SLC6A6: variants seen among roughly 807,000 people sequenced by gnomAD.
SLC6A6 encodes sodium- and chloride-dependent taurine transporter.
SLC6A6 carries 16 observed loss-of-function variants against 68.8 expected under a neutral mutation model. That is an observed-to-expected ratio of 0.23 (90% CI 0.16 to 0.35). The LOEUF (loss-of-function observed/expected upper bound fraction) is 0.35, where lower values mean the gene tolerates loss of function less well. Ranked by LOEUF, SLC6A6 falls within the 10% of genes least tolerant of loss-of-function variation. The pLI is 1.00. For missense variants in SLC6A6, 474 were observed against 802.8 expected (o/e 0.59, Z 4.95); for synonymous variants, 312 against 315.4 (o/e 0.99, Z 0.12).
At chr3:14,464,770 A>G (rs1334963455) in intron 6 of SLC6A6, among the ~76,000 whole-genome samples, 1 of 151,956 alleles carries the variant, frequency 6.6e-6, no homozygotes, top group Non-Finnish European at 1.5e-5. Flanking sequence ...TCTTCATCTC[A>G]GTTTCCTCTC....
chr3:14,460,515 G>T (rs1559306466), intron 6 of SLC6A6, among the ~76,000 whole-genome samples: 1 of 152,190 alleles, frequency 6.6e-6, no homozygotes, highest in African/African-American at 2.4e-5. Context: ...GACAGCCTGT[G>T]CAAAGGCCCT....
intron 2 of SLC6A6, among the ~76,000 whole-genome samples, chr3:14,432,075 C>G (rs371544544): frequency 6.6e-6 from 1 of 152,170 alleles, no homozygotes; most frequent in East Asian, 1.9e-4. Flanking sequence ...GCTGGCCCGG[C>G]TCCTGCACGT....
In SLC6A6 at chr3:14,447,790, C is replaced by G; in HGVS notation, c.573C>G (p.Phe191Leu). ...SVWITISSTN[F>L]TSPVIEFWER... Reference sequence around the variant, plus strand: ...GGATCACCATCAGCTCCACCAACTTCACCTCCCCTGTCATCGAGTTCTGGG... The same window carrying G: ...GGATCACCATCAGCTCCACCAACTTGACCTCCCCTGTCATCGAGTTCTGGG... The change falls in exon 5 of 15, where the codon TTC becomes TTG. Residue 191 changes from phenylalanine to leucine, a missense_variant. Coordinates refer to ENST00000622186, the MANE Select transcript of SLC6A6 (RefSeq NM_003043.6). The G allele has an allele frequency of 1.2e-6, 2 of 1,614,238 alleles. No homozygotes were observed. Among genetic ancestry groups the G allele is most frequent in the Non-Finnish European group, 1.7e-6 (2 of 1,180,050 alleles).
rs1355012506 is a variant in SLC6A6 at position 14,402,724 on chromosome 3, G to A, written c.-177G>A. On this transcript the variant is annotated 5_prime_UTR_variant, in exon 1 of 15. Transcript: ENST00000622186. The surrounding 1 kb of genome is among the most constrained non-coding windows in gnomAD (Gnocchi z 4.8). The stretch of plus-strand genomic sequence containing the variant: ...CGAGGACCGCAAGCCCAGAGGACAA[G>A]CTGCGCCAAGAGGGAGTGCGGAGCG... 5.0e-6 allele frequency: 2 copies of A among 398,114 alleles called. No individual in the cohort carries two copies. Among genetic ancestry groups the A allele is most frequent in the Non-Finnish European group, 8.9e-6 (2 of 225,772 alleles). 24.7% of individuals were successfully genotyped at this position (398,114 alleles called of 1,614,324 possible).
chr3:14,418,934 C>T (rs1699425621), intron 2 of SLC6A6, among the ~76,000 whole-genome samples: 1 of 152,208 alleles, frequency 6.6e-6, no homozygotes, highest in Admixed American at 6.5e-5. Flanking sequence ...CTGGGCCCAG[C>T]CCCTTCCCCT....
At chr3:14,436,586 C>CTTTTTTTTTTTTTT (rs1699859935) in intron 2 of SLC6A6, among the ~76,000 whole-genome samples, 2 of 67,868 alleles carry the variant, frequency 2.9e-5, no homozygotes, top group Non-Finnish European at 5.7e-5. Flanking sequence ...TTTTTTGGTG[C>CTTTTTTTTTTTTTT]TTAATTGTTA....
At chr3:14,474,086 C>T (rs1700816124) in intron 10 of SLC6A6, among the ~76,000 whole-genome samples, 1 of 152,204 alleles carries the variant, frequency 6.6e-6, no homozygotes, top group South Asian at 2.1e-4. Context: ...AGGCTCAGAG[C>T]AGTTAGATGA....
chr3:14,406,487 C>A (rs1323513637), intron 1 of SLC6A6, among the ~76,000 whole-genome samples: 1 of 152,190 alleles, frequency 6.6e-6, no homozygotes, highest in East Asian at 1.9e-4. Flanking sequence ...AGCCACTAAG[C>A]ATTTTCTGTA....
intron 2 of SLC6A6, among the ~76,000 whole-genome samples, chr3:14,436,637 A>G (rs1355758369): frequency 8.0e-6 from 1 of 124,242 alleles, no homozygotes; most frequent in Non-Finnish European, 1.7e-5. Flanking sequence ...AGGCATCACT[A>G]ATAGATCCTG....
chr3:14,420,531 C>T (rs1699463174), intron 2 of SLC6A6, among the ~76,000 whole-genome samples: 1 of 146,296 alleles, frequency 6.8e-6, no homozygotes, highest in Non-Finnish European at 1.5e-5. Context: ...TGCTCTGTCA[C>T]CCAGGCTGGA....
intron 13 of SLC6A6, among the ~76,000 whole-genome samples, chr3:14,480,520 G>C (rs1354760757): frequency 2.6e-5 from 4 of 152,134 alleles, no homozygotes; most frequent in African/African-American, 7.2e-5. Flanking sequence ...AGCATCTCTT[G>C]GGACTCACTC....
At chr3:14,461,117 G>A (rs1700483936) in intron 6 of SLC6A6, among the ~76,000 whole-genome samples, 1 of 152,242 alleles carries the variant, frequency 6.6e-6, no homozygotes, top group Non-Finnish European at 1.5e-5. Flanking sequence ...ACTATTCCAG[G>A]AAGTTGAAAC....
In SLC6A6 at chr3:14,488,968, A is replaced by G. The variant is rs1701255238; in HGVS notation, c.*3961A>G. On this transcript the variant is annotated 3_prime_UTR_variant, in exon 15 of 15. Transcript: ENST00000622186. ...CCCTAGCAACTGTGACTCTGTATTT[A>G]GCACAAGAGAAAGCTGAGAATGTGG... is the stretch of plus-strand genomic sequence containing the variant. The G allele has an allele frequency of 6.6e-6, 1 of 152,316 alleles. No homozygotes were observed. Among genetic ancestry groups the G allele is most frequent in the Non-Finnish European group, 1.5e-5 (1 of 68,014 alleles). 9.4% of individuals were successfully genotyped at this position (152,316 alleles called of 1,614,324 possible). A position where few individuals can be genotyped will look rare whatever the true frequency, so the allele number is the denominator to read the frequency against.
chr3:14,418,199 G>A (rs1314298133), intron 2 of SLC6A6, among the ~76,000 whole-genome samples: 1 of 152,186 alleles, frequency 6.6e-6, no homozygotes, highest in East Asian at 1.9e-4. Flanking sequence ...ACCCACTGTG[G>A]ACTCTGCTTT....
intron 5 of SLC6A6, among the ~76,000 whole-genome samples, chr3:14,453,227 G>C (rs937472017): frequency 6.6e-6 from 1 of 152,204 alleles, no homozygotes; most frequent in Non-Finnish European, 1.5e-5. Context: ...CCGGCTGGAC[G>C]GCAGCAGGGC....
chr3:14,479,546 GCT>G, intron 13 of SLC6A6, among the ~76,000 whole-genome samples: 1 of 152,120 alleles, frequency 6.6e-6, no homozygotes, highest in Non-Finnish European at 1.5e-5. Flanking sequence ...GAGCGCATGA[GCT>G]CTGTTTGGGT....
intron 13 of SLC6A6, 126 bp downstream of exon 13, chr3:14,479,311 G>A (rs960079231): frequency 7.0e-5 from 47 of 671,234 alleles, no homozygotes; most frequent in African/African-American, 3.4e-4. Flanking sequence ...CAGCTTCAGC[G>A]CTGCCTGGGA....
chr3:14,456,909 C>T (rs1215324952), intron 5 of SLC6A6, among the ~76,000 whole-genome samples: 3 of 152,244 alleles, frequency 2.0e-5, no homozygotes, highest in Admixed American at 6.5e-5. Flanking sequence ...GACAGGTAAC[C>T]TGGGAGGCCC....
At chr3:14,464,129 G>C (rs568578562) in intron 6 of SLC6A6, among the ~76,000 whole-genome samples, 5 of 152,300 alleles carry the variant, frequency 3.3e-5, no homozygotes, top group African/African-American at 1.2e-4. Context: ...TTTACTTCCT[G>C]GTGGGGAAAC....
Sources: allele counts gnomAD v4.1 joint callset (sites outside exome capture counted in the v4.1 genomes callset), GRCh38; gene constraint gnomAD v4.1.1; non-coding constraint Gnocchi (gnomAD v3.1); transcripts MANE v1.5; gene names NCBI Gene and HGNC (gene_info 2026-07-23, HGNC 2026-07-21).